Variants in AAGAB observed in about 807,000 individuals in gnomAD.
AAGAB encodes alpha- and gamma-adaptin-binding protein p34.
AAGAB carries 38 observed loss-of-function variants against 44.1 expected under a neutral mutation model. The observed-to-expected ratio is 0.86, with a 90% CI of 0.67 to 1.13. The LOEUF is 1.13. Ranked by LOEUF, AAGAB falls within the 50% of genes most tolerant of loss-of-function variation. AAGAB has a pLI of 0.00. For missense variants in AAGAB, 450 were observed against 373.8 expected, an observed-to-expected ratio of 1.20 and a Z score of -1.68; for synonymous variants, 131 against 131.8, an observed-to-expected ratio of 0.99 and a Z score of 0.04.
intron 5 of AAGAB, among the ~76,000 whole-genome samples, chr15:67,229,220 T>C (rs958057847): frequency 2.0e-5 from 3 of 152,034 alleles, no homozygotes; most frequent in Non-Finnish European, 4.4e-5. Context: ...GATCACGAGG[T>C]CAAGAGTTCA....
intron 5 of AAGAB, among the ~76,000 whole-genome samples, chr15:67,213,078 G>A (rs958138708): frequency 3.3e-5 from 5 of 152,110 alleles, no homozygotes; most frequent in African/African-American, 1.2e-4. Context: ...GGAACTTCAG[G>A]GATGCAGAAA....
intron 5 of AAGAB, among the ~76,000 whole-genome samples, chr15:67,210,188 G>A (rs1323025200): frequency 6.6e-6 from 1 of 152,158 alleles, no homozygotes; most frequent in East Asian, 1.9e-4. Flanking sequence ...TCAGGTGAAG[G>A]CACTCAGGTG....
chr15:67,221,703 G>C (rs1964068393), intron 5 of AAGAB, among the ~76,000 whole-genome samples: 1 of 152,164 alleles, frequency 6.6e-6, no homozygotes, highest in Admixed American at 6.5e-5. Context: ...CTGGGTCTCA[G>C]TTGAGAATCA....
intron 1 of AAGAB, among the ~76,000 whole-genome samples, chr15:67,243,804 C>G (rs1473091149): frequency 6.6e-6 from 1 of 152,200 alleles, no homozygotes; most frequent in Non-Finnish European, 1.5e-5. Context: ...CCTCCTACCC[C>G]AGATAAAAAT....
chr15:67,203,988 C>G (rs938657650), intron 8 of AAGAB, 56 bp downstream of exon 8: 18 of 1,107,250 alleles, frequency 1.6e-5, no homozygotes, highest in Middle Eastern at 4.0e-4. Context: ...AATGCTACTA[C>G]GTAAAACAGA....
chr15:67,243,592 A>G (rs189010951), intron 1 of AAGAB, among the ~76,000 whole-genome samples: 1 of 152,298 alleles, frequency 6.6e-6, no homozygotes, highest in Admixed American at 6.5e-5. Flanking sequence ...CCTACAACGC[A>G]CAAGACAGCC....
rs150814629 is a variant in AAGAB at position 67,212,535 on chromosome 15, T to C, written c.536-2991A>G. ...AATCAGGTTCACAATTGACTAAGAGTTTACAATCAGGTTTCAGGCTAATTA... is the reference window on the plus strand; with the variant it reads ...AATCAGGTTCACAATTGACTAAGAGCTTACAATCAGGTTTCAGGCTAATTA... On this transcript the variant is annotated intron_variant, in intron 5 of 9. Coordinates refer to ENST00000261880, the MANE Select transcript of AAGAB (RefSeq NM_024666.5). Among the ~76,000 whole-genome samples the C allele has an allele frequency of 3.4e-4, 51 of 152,080 alleles. 1 individual carries two copies. The East Asian group carries it at 9.1e-3, about 27-fold the overall frequency.
At chr15:67,227,743 C>G (rs1310322864) in intron 5 of AAGAB, among the ~76,000 whole-genome samples, 1 of 152,084 alleles carries the variant, frequency 6.6e-6, no homozygotes, top group Non-Finnish European at 1.5e-5. Context: ...CACCATATAT[C>G]CATAGAAAGC....
intron 5 of AAGAB, among the ~76,000 whole-genome samples, chr15:67,223,197 C>T (rs1405404351): frequency 6.6e-6 from 1 of 152,188 alleles, no homozygotes; most frequent in Non-Finnish European, 1.5e-5. Context: ...CATTCACTCC[C>T]TTGGTGATCT....
At position 67,226,663 on chromosome 15, in the gene AAGAB, A is replaced by G. The variant is rs1017009450; in HGVS notation, c.535+5151T>C. 3.9e-5 allele frequency: 6 copies of G among 152,362 alleles called. No individual in the cohort carries two copies. The East Asian group carries it at 1.2e-3, about 29-fold the overall frequency. The allele number at this position is 152,362 out of a possible 1,614,324, so 9.4% of individuals were successfully genotyped here. On this transcript the variant is annotated intron_variant, in intron 5 of 9. Coordinates refer to ENST00000261880, the MANE Select transcript of AAGAB (RefSeq NM_024666.5). The stretch of plus-strand genomic sequence containing the variant: ...TGACAGTGTCCTTTGAAGTATGAAC[A>G]TTTTTAATTTTGATGAAGTCCAATT...
At chr15:67,238,765 G>T (rs1964528531) in intron 1 of AAGAB, among the ~76,000 whole-genome samples, 1 of 149,672 alleles carries the variant, frequency 6.7e-6, no homozygotes, top group South Asian at 2.1e-4. Flanking sequence ...GCGTGATCTC[G>T]GCTGACTGCA....
intron 5 of AAGAB, chr15:67,220,597 C>T: frequency 6.6e-6 from 1 of 152,204 alleles, no homozygotes; most frequent in East Asian, 1.9e-4. Flanking sequence ...GTTCTAAATG[C>T]TTTCATCAGG....
intron 1 of AAGAB, among the ~76,000 whole-genome samples, chr15:67,246,799 C>T (rs1328614217): frequency 6.6e-6 from 1 of 152,056 alleles, no homozygotes; most frequent in African/African-American, 2.4e-5. Context: ...AATCAGCACT[C>T]TGTGTCTAGC....
rs542137875 is a variant in AAGAB, at chr15:67,247,141, G to A, written c.73+7418C>T. Among the ~76,000 whole-genome samples, 88 of 152,044 alleles carry A rather than the reference G, an allele frequency of 5.8e-4. 1 individual carries two copies. The South Asian group carries it at 0.013, about 22-fold the overall frequency. On this transcript the variant is annotated intron_variant, in intron 1 of 9. Coordinates refer to ENST00000261880, the MANE Select transcript of AAGAB (RefSeq NM_024666.5). Reference sequence around the variant, plus strand: ...CTTTAAGAGCTGTAACACTCACGGCGAAGGTCTGCAGCTTCACTCCTGAAG... The same window carrying A: ...CTTTAAGAGCTGTAACACTCACGGCAAAGGTCTGCAGCTTCACTCCTGAAG...
chr15:67,211,885 C>CT (rs11397902), intron 5 of AAGAB, among the ~76,000 whole-genome samples: 65,728 of 147,756 alleles, frequency 0.44, 14,824 homozygotes, highest in Non-Finnish European at 0.52. Context: ...ATGCCTAATT[C>CT]TTTTTTTTTT....
chr15:67,203,700 T>G, intron 8 of AAGAB, 103 bp from the exon 9 acceptor site: 1 of 1,009,428 alleles, frequency 9.9e-7, no homozygotes, highest in East Asian at 2.4e-5. Flanking sequence ...AAGACATGTT[T>G]ATGATGTAGT....
intron 5 of AAGAB, 128 bp from the exon 6 acceptor site, chr15:67,209,672 A>G: frequency 1.4e-6 from 1 of 738,840 alleles, no homozygotes; most frequent in Non-Finnish European, 2.2e-6. Flanking sequence ...TATATTTTTG[A>G]GACAGGGTCT....
intron 1 of AAGAB, among the ~76,000 whole-genome samples, chr15:67,251,216 GTGTGTGTGTGTGTGTGTGTC>G (rs1193559283): frequency 5.0e-5 from 7 of 141,330 alleles, no homozygotes; most frequent in Admixed American, 1.5e-4. Context: ...TTTTAAGTGC[GTGTGTGTGTGTGTGTGTGTC>G]TGTGTGTGTG....
chr15:67,243,590 G>A (rs927967295), intron 1 of AAGAB, among the ~76,000 whole-genome samples: 3 of 152,048 alleles, frequency 2.0e-5, no homozygotes, highest in Non-Finnish European at 4.4e-5. Flanking sequence ...ATCCTACAAC[G>A]CACAAGACAG....
Sources: allele counts gnomAD v4.1 joint callset (sites outside exome capture counted in the v4.1 genomes callset), GRCh38; gene constraint gnomAD v4.1.1; transcripts MANE v1.5; gene names NCBI Gene and HGNC (gene_info 2026-07-23, HGNC 2026-07-21).